Variants in PLEKHM3 observed in about 807,000 individuals in gnomAD.
The protein encoded by PLEKHM3 is pleckstrin homology domain containing M3, also known as pleckstrin homology domain-containing family M member 3.
A neutral mutation model predicts 81.8 loss-of-function variants in PLEKHM3; 45 were observed. The observed-to-expected ratio is 0.55, with a 90% CI of 0.43 to 0.71. The LOEUF (loss-of-function observed/expected upper bound fraction) is 0.71. Among genes scored for constraint, PLEKHM3 ranks in the 30% least tolerant of loss-of-function variants. The probability of loss-of-function intolerance (pLI) is 0.00; values close to 1 mark genes in which losing one functional copy is unlikely to be tolerated. For missense variants in PLEKHM3, 788 were observed against 924.3 expected (o/e 0.85, Z 1.91); for synonymous variants, 352 against 356.4 (o/e 0.99, Z 0.14).
intron 4 of PLEKHM3, among the ~76,000 whole-genome samples, chr2:207,934,259 A>T (rs1248100826): frequency 6.6e-6 from 1 of 152,188 alleles, no homozygotes; most frequent in African/African-American, 2.4e-5. Flanking sequence ...CTTCTTGCCA[A>T]CCAAACTATG....
At chr2:207,883,961 CAT>C (rs1286335277) in intron 6 of PLEKHM3, among the ~76,000 whole-genome samples, 1 of 152,080 alleles carries the variant, frequency 6.6e-6, no homozygotes, top group Non-Finnish European at 1.5e-5. Context: ...TCTCAATAGA[CAT>C]AGAAAAAGCA....
chr2:207,881,258 G>T (rs1190820789), intron 6 of PLEKHM3, among the ~76,000 whole-genome samples: 1 of 152,084 alleles, frequency 6.6e-6, no homozygotes, highest in African/African-American at 2.4e-5. Flanking sequence ...TTTTTAAAAA[G>T]GCAGGATAAA....
intron 3 of PLEKHM3, among the ~76,000 whole-genome samples, chr2:207,954,263 G>A (rs972230077): frequency 7.9e-5 from 12 of 152,182 alleles, no homozygotes; most frequent in Admixed American, 5.2e-4. Context: ...GGCTGAGGCA[G>A]GAGAATACCT....
At chr2:207,958,531 G>A (rs895244015) in intron 3 of PLEKHM3, among the ~76,000 whole-genome samples, 7 of 152,178 alleles carry the variant, frequency 4.6e-5, no homozygotes, top group African/African-American at 1.7e-4. Context: ...AGGAAAGGAA[G>A]GTCAATCTCA....
intron 5 of PLEKHM3, among the ~76,000 whole-genome samples, chr2:207,930,595 A>T (rs886230738): frequency 6.6e-6 from 1 of 152,174 alleles, no homozygotes; most frequent in African/African-American, 2.4e-5. Flanking sequence ...ATACTACATA[A>T]GTGACCAATA....
intron 7 of PLEKHM3, among the ~76,000 whole-genome samples, chr2:207,848,051 T>C (rs376151199): frequency 1.7e-4 from 26 of 152,246 alleles, no homozygotes; most frequent in African/African-American, 6.0e-4. Context: ...GAGAAAAGGG[T>C]ATGTAATGTA....
chr2:207,944,356 G>A (rs921214472), intron 4 of PLEKHM3, among the ~76,000 whole-genome samples: 7 of 152,134 alleles, frequency 4.6e-5, no homozygotes, highest in Admixed American at 3.3e-4. Flanking sequence ...GAGAAGAGAC[G>A]AGATTTGGCA....
rs2092243000 is a variant in PLEKHM3 at position 207,825,424 on chromosome 2, A to G, written c.*2895T>C. Reference sequence around the variant, plus strand: ...TTATGTGCAAGATATTTAATATGGGATGAAAAATGGAACACGAGGAAAAGC... The same window carrying G: ...TTATGTGCAAGATATTTAATATGGGGTGAAAAATGGAACACGAGGAAAAGC... On this transcript the variant is annotated 3_prime_UTR_variant, in exon 8 of 8. Coordinates refer to ENST00000427836, the MANE Select transcript of PLEKHM3 (RefSeq NM_001080475.3). 6.6e-6 allele frequency: 1 copy of G among 152,196 alleles called. No homozygotes were observed. The highest frequency in any genetic ancestry group is 1.5e-5 in the Non-Finnish European group (1 of 68,040). 9.4% of individuals were successfully genotyped at this position (152,196 alleles called of 1,614,324 possible). A position where few individuals can be genotyped will look rare whatever the true frequency, so the allele number is the denominator to read the frequency against.
chr2:207,935,068 C>T (rs1359569054), intron 4 of PLEKHM3, among the ~76,000 whole-genome samples: 4 of 152,100 alleles, frequency 2.6e-5, no homozygotes, highest in African/African-American at 4.8e-5. Flanking sequence ...CAGAATAAAA[C>T]ACGAATAAGA....
At chr2:207,866,514 T>C (rs1357552293) in intron 6 of PLEKHM3, among the ~76,000 whole-genome samples, 1 of 152,210 alleles carries the variant, frequency 6.6e-6, no homozygotes, top group African/African-American at 2.4e-5. Flanking sequence ...TAAAATTATA[T>C]TGAGTTACTA....
At chr2:207,833,744 C>T (rs1465081907) in intron 7 of PLEKHM3, among the ~76,000 whole-genome samples, 1 of 152,166 alleles carries the variant, frequency 6.6e-6, no homozygotes, top group African/African-American at 2.4e-5. Flanking sequence ...CAAAACCATC[C>T]CTGTTGAGAA....
intron 6 of PLEKHM3, among the ~76,000 whole-genome samples, chr2:207,877,838 T>C (rs572020442): frequency 1.1e-4 from 16 of 152,310 alleles, no homozygotes; most frequent in African/African-American, 2.6e-4. Context: ...TATTAAAATA[T>C]AGATCTGACC....
rs948106219 is a variant in PLEKHM3, at chr2:207,835,885, G to T, written c.2109-7389C>A. ...GTTGTCAAGTTTTTTGGGGGGATGG[G>T]GATGAGGAGGGCCAGCTAGAGATGA... On this transcript the variant is annotated intron_variant, in intron 7 of 7. Transcript: ENST00000427836. Among the ~76,000 whole-genome samples the T allele has an allele frequency of 2.6e-5, 4 of 152,140 alleles. No homozygotes were observed. In the East Asian group the frequency reaches 7.7e-4, roughly 29 times the overall value.
At chr2:207,892,237 A>T (rs1335467508) in intron 6 of PLEKHM3, among the ~76,000 whole-genome samples, 4 of 152,222 alleles carry the variant, frequency 2.6e-5, no homozygotes, top group African/African-American at 9.6e-5. Context: ...TCCGTAAGTC[A>T]TGCAGTGCCA....
In PLEKHM3 at chr2:207,827,240, A is replaced by G. The variant is rs1245690537; in HGVS notation, c.*1079T>C. On this transcript the variant is annotated 3_prime_UTR_variant, in exon 8 of 8. Coordinates refer to ENST00000427836, the MANE Select transcript of PLEKHM3 (RefSeq NM_001080475.3). ...AAAAAATGAGAAAGCAAGAATGGTC[A>G]CATTGACAAAGGTCGAAATGAAAGT... The G allele has an allele frequency of 6.6e-6, 1 of 152,214 alleles. No homozygotes were observed. Among genetic ancestry groups the G allele is most frequent in the Non-Finnish European group, 1.5e-5 (1 of 68,040 alleles). The allele number at this position is 152,214 out of a possible 1,614,324, so 9.4% of individuals were successfully genotyped here.
At chr2:207,850,692 A>G (rs763339979) in intron 7 of PLEKHM3, among the ~76,000 whole-genome samples, 5 of 152,220 alleles carry the variant, frequency 3.3e-5, no homozygotes, top group African/African-American at 4.8e-5. Context: ...GGATGTGTAA[A>G]AATGTCAGAA....
At chr2:207,858,174 G>GTGTGTGTGTGTGTGTATA (rs373920637) in intron 7 of PLEKHM3, among the ~76,000 whole-genome samples, 2 of 123,260 alleles carry the variant, frequency 1.6e-5, no homozygotes, top group African/African-American at 7.1e-5. Flanking sequence ...GTGTGTGTGT[G>GTGTGTGTGTGTGTGTATA]TATATATTTT....
chr2:207,991,569 C>T (rs921520044), intron 2 of PLEKHM3, among the ~76,000 whole-genome samples: 1 of 149,284 alleles, frequency 6.7e-6, no homozygotes, highest in African/African-American at 2.5e-5. Context: ...TGACCCAGTT[C>T]TGGCCAAGGA....
chr2:207,991,369 C>T (rs1298587359), intron 2 of PLEKHM3, among the ~76,000 whole-genome samples: 1 of 152,176 alleles, frequency 6.6e-6, no homozygotes, highest in African/African-American at 2.4e-5. Flanking sequence ...ATCCCACTAG[C>T]ACATCCACAT....
Sources: gnomAD v4.1 joint callset for allele counts (sites outside exome capture counted in the v4.1 genomes callset) on GRCh38, gnomAD v4.1.1 for gene constraint, MANE v1.5 for transcripts, NCBI Gene and HGNC (gene_info 2026-07-23, HGNC 2026-07-21) for gene names.